PLEKHA5: variants seen among roughly 807,000 people sequenced by gnomAD.
The protein encoded by PLEKHA5 is pleckstrin homology domain-containing family A member 5.
A neutral mutation model predicts 181.9 loss-of-function variants in PLEKHA5; 55 were observed. That is an observed-to-expected ratio of 0.30 (90% CI 0.24 to 0.38). The LOEUF is 0.38. Ranked by LOEUF, PLEKHA5 falls within the 10% of genes least tolerant of loss-of-function variation. The pLI, the probability that PLEKHA5 is intolerant of heterozygous loss-of-function variation, is 1.00. For missense variants in PLEKHA5, 1,432 were observed against 1,549.5 expected, an observed-to-expected ratio of 0.92 and a Z score of 1.27; for synonymous variants, 535 against 529.4, an observed-to-expected ratio of 1.01 and a Z score of -0.15.
chr12:19,247,010 C>T (rs577074348), intron 3 of PLEKHA5, among the ~76,000 whole-genome samples: 1 of 152,056 alleles, frequency 6.6e-6, no homozygotes, highest in East Asian at 1.9e-4. Flanking sequence ...GAAATGTGCA[C>T]TTTATGCGTT....
chr12:19,162,771 TAA>T, intron 3 of PLEKHA5, among the ~76,000 whole-genome samples: 1 of 152,272 alleles, frequency 6.6e-6, no homozygotes, highest in South Asian at 2.1e-4. Context: ...CCTGTCTACC[TAA>T]GAGTGTTGTT....
chr12:19,347,253 T>C (rs2094380160), intron 24 of PLEKHA5, 71 bp downstream of exon 24: 1 of 933,300 alleles, frequency 1.1e-6, no homozygotes, highest in Admixed American at 3.2e-5. Flanking sequence ...TAATTTATTT[T>C]ACACTCAAAC....
intron 5 of PLEKHA5, among the ~76,000 whole-genome samples, chr12:19,256,407 TTAGA>T (rs1232232155): frequency 1.3e-5 from 2 of 152,132 alleles, no homozygotes; most frequent in Non-Finnish European, 2.9e-5. Flanking sequence ...AACAATTATT[TTAGA>T]TAGATAGGCA....
At chr12:19,179,521 G>A (rs1051015253) in intron 3 of PLEKHA5, among the ~76,000 whole-genome samples, 25 of 152,094 alleles carry the variant, frequency 1.6e-4, no homozygotes, top group African/African-American at 6.0e-4. Context: ...TTAGCCTGGC[G>A]TGGTGGCACA....
intron 16 of PLEKHA5, among the ~76,000 whole-genome samples, chr12:19,316,868 T>C (rs1334133600): frequency 6.6e-6 from 1 of 152,226 alleles, no homozygotes; most frequent in Non-Finnish European, 1.5e-5. Flanking sequence ...TACAGTTTGC[T>C]TTTCTGAAGT....
At chr12:19,295,599 CTG>C (rs1231328894) in intron 15 of PLEKHA5, among the ~76,000 whole-genome samples, 4 of 152,158 alleles carry the variant, frequency 2.6e-5, no homozygotes, top group Non-Finnish European at 5.9e-5. Flanking sequence ...CAAGCATAAG[CTG>C]CCCTGCTGAG....
intron 3 of PLEKHA5, among the ~76,000 whole-genome samples, chr12:19,138,723 G>C (rs2036427282): frequency 6.6e-6 from 1 of 152,102 alleles, no homozygotes; most frequent in Non-Finnish European, 1.5e-5. Flanking sequence ...CAGATGAGTT[G>C]ATAAGACTGG....
intron 7 of PLEKHA5, among the ~76,000 whole-genome samples, chr12:19,261,931 T>C (rs7979972): frequency 0.86 from 131,520 of 152,128 alleles, 58,285 homozygotes; most frequent in Middle Eastern, 0.98. Flanking sequence ...CATCTGCAAA[T>C]TGTAGTTGAG....
At chr12:19,164,802 A>G (rs1372209940) in intron 3 of PLEKHA5, among the ~76,000 whole-genome samples, 1 of 152,092 alleles carries the variant, frequency 6.6e-6, no homozygotes, top group African/African-American at 2.4e-5. Flanking sequence ...GCCACAGTTG[A>G]TACCTCATAA....
At chr12:19,197,033 C>A (rs1463439910) in intron 3 of PLEKHA5, among the ~76,000 whole-genome samples, 1 of 152,100 alleles carries the variant, frequency 6.6e-6, no homozygotes, top group Non-Finnish European at 1.5e-5. Flanking sequence ...CTCCTGCCAT[C>A]TGTACTTCCT....
chr12:19,375,006 GGAA>G (rs908352893), intron 31 of PLEKHA5, among the ~76,000 whole-genome samples: 3 of 151,546 alleles, frequency 2.0e-5, no homozygotes, highest in African/African-American at 7.3e-5. Flanking sequence ...GGAGGAGGAA[GGAA>G]GAAGAATTGC....
chr12:19,317,958 A>G (rs2638425), intron 16 of PLEKHA5, among the ~76,000 whole-genome samples: 1,394 of 81,466 alleles, frequency 0.017, 21 homozygotes, highest in African/African-American at 0.063. Context: ...CTAAAGGTGT[A>G]TTTGAAAAAA....
intron 3 of PLEKHA5, among the ~76,000 whole-genome samples, chr12:19,204,971 A>G (rs965958762): frequency 6.6e-6 from 1 of 152,148 alleles, no homozygotes; most frequent in African/African-American, 2.4e-5. Flanking sequence ...ATGTTTTGCA[A>G]CTTCCAATTC....
rs183179868 is a variant in PLEKHA5 at position 19,299,335 on chromosome 12, T to C, written c.2037+7638T>C. On this transcript the variant is annotated intron_variant, in intron 15 of 31. Transcript: ENST00000429027. ...TTTTTTAGCTGATTACATGTTGGCA[T>C]GGTGTTTGCTCAGGAGAACAAAGGC... Among the ~76,000 whole-genome samples, 493 of 152,306 alleles carry C rather than the reference T, an allele frequency of 3.2e-3. 3 individuals are homozygous for C. Among genetic ancestry groups the C allele is most frequent in the African/African-American group, 0.012 (487 of 41,584 alleles).
chr12:19,261,087 G>T, intron 7 of PLEKHA5, 66 bp downstream of exon 7: 1 of 839,542 alleles, frequency 1.2e-6, no homozygotes. Flanking sequence ...TTAAGTATCA[G>T]ATACTTTAAA....
intron 11 of PLEKHA5, among the ~76,000 whole-genome samples, chr12:19,278,284 C>T (rs1173493438): frequency 6.6e-6 from 1 of 152,092 alleles, no homozygotes; most frequent in Non-Finnish European, 1.5e-5. Flanking sequence ...AGTTCAGGTT[C>T]AATATACGTC....
At chr12:19,309,540 G>A (rs1289302008) in intron 15 of PLEKHA5, among the ~76,000 whole-genome samples, 1 of 151,920 alleles carries the variant, frequency 6.6e-6, no homozygotes, top group African/African-American at 2.4e-5. Flanking sequence ...CGGATCCCCT[G>A]AGGTCAGGTG....
intron 3 of PLEKHA5, among the ~76,000 whole-genome samples, chr12:19,203,085 GGATATATGTAATTACAA>G (rs2152086504): frequency 6.6e-6 from 1 of 152,142 alleles, no homozygotes; most frequent in South Asian, 2.1e-4. Flanking sequence ...CAAGTTTAAA[GGATATATGTAATTACAA>G]GATGATCTCA....
chr12:19,301,507 A>G (rs968916510), intron 15 of PLEKHA5, among the ~76,000 whole-genome samples: 20 of 151,728 alleles, frequency 1.3e-4, no homozygotes, highest in Non-Finnish European at 2.2e-4. Context: ...TAAAAAAAAA[A>G]TCAGATCTGT....
Sources: gnomAD v4.1 joint callset for allele counts (sites outside exome capture counted in the v4.1 genomes callset) on GRCh38, gnomAD v4.1.1 for gene constraint, MANE v1.5 for transcripts, NCBI Gene and HGNC (gene_info 2026-07-23, HGNC 2026-07-21) for gene names.